Variants in TSC22D1 observed in about 807,000 individuals in gnomAD.
The protein encoded by TSC22D1 is TSC22 domain family member 1.
A neutral mutation model predicts 74.2 loss-of-function variants in TSC22D1; 9 were observed. The observed-to-expected ratio is 0.12, with a 90% CI of 0.07 to 0.21. TSC22D1 has a LOEUF of 0.21. TSC22D1 is among the 10% of genes least tolerant of loss of function. The pLI, the probability that TSC22D1 is intolerant of heterozygous loss-of-function variation, is 1.00. For synonymous variants in TSC22D1, 586 were observed against 492.5 expected (o/e 1.19, Z -2.51); for missense variants, 1,427 against 1,304.7 (o/e 1.09, Z -1.44).
Position 44,433,264 on chromosome 13 carries a change from T to A in TSC22D1, c.*1362A>T, listed in dbSNP as rs1874205936. 6.6e-6 allele frequency: 1 copy of A among 152,226 alleles called. No individual in the cohort carries two copies. The highest frequency in any genetic ancestry group is 1.5e-5 in the Non-Finnish European group (1 of 68,046). The allele number at this position is 152,226 out of a possible 1,614,324, so 9.4% of individuals were successfully genotyped here. On this transcript the variant is annotated 3_prime_UTR_variant, in exon 3 of 3. Transcript: ENST00000458659. ...AGATCATCTCTTTCAAACCCCTACA[T>A]CCGTCCAGGAGTGAAGCAACCTGTC...
At chr13:44,533,453 G>C (rs1880968809) in intron 1 of TSC22D1, among the ~76,000 whole-genome samples, 1 of 144,284 alleles carries the variant, frequency 6.9e-6, no homozygotes, top group Non-Finnish European at 1.5e-5. Context: ...GTAAGACTCT[G>C]TATCAAATAA....
intron 1 of TSC22D1, among the ~76,000 whole-genome samples, chr13:44,528,843 G>A (rs1428267812): frequency 1.3e-5 from 2 of 152,028 alleles, no homozygotes; most frequent in East Asian, 3.8e-4. Flanking sequence ...AATAACAAGT[G>A]TTATGAGCAG....
chr13:44,464,451 CTT>C (rs1877157896), intron 1 of TSC22D1, among the ~76,000 whole-genome samples: 1 of 152,082 alleles, frequency 6.6e-6, no homozygotes, highest in African/African-American at 2.4e-5. Flanking sequence ...AGTTTACAGA[CTT>C]TAATCAAATT....
At chr13:44,539,403 T>C (rs761017261) in intron 1 of TSC22D1, 62 of 985,248 alleles carry the variant, frequency 6.3e-5, no homozygotes, top group Non-Finnish European at 7.2e-5. Context: ...AATGTCCAGT[T>C]TGCCCAAAGA....
chr13:44,574,128 A>T lies in TSC22D1; in HGVS notation c.1947T>A (p.Thr649=). ...QMAPGHVKSV[T]QNPASEYVQQ... is the part of the protein sequence containing the mutation. ...GTACATACTCTGAAGCAGGATTTTGAGTCACTGATTTGACATGGCCTGGGG... is the reference window on the plus strand; with the variant it reads ...GTACATACTCTGAAGCAGGATTTTGTGTCACTGATTTGACATGGCCTGGGG... The change falls in exon 1 of 3, where the codon ACT becomes ACA. Residue 649 remains threonine (T), a synonymous_variant. Transcript: ENST00000458659. The T allele has an allele frequency of 1.2e-6, 2 of 1,614,234 alleles. No individual in the cohort carries two copies. Among genetic ancestry groups the T allele is most frequent in the South Asian group, 2.2e-5 (2 of 91,086 alleles).
At chr13:44,535,609 CAG>C (rs974746855) in intron 1 of TSC22D1, among the ~76,000 whole-genome samples, 2 of 149,976 alleles carry the variant, frequency 1.3e-5, no homozygotes, top group African/African-American at 5.0e-5. Flanking sequence ...TTTTTTTAAA[CAG>C]AAGCTACAAA....
At chr13:44,533,870 T>C (rs919494474) in intron 1 of TSC22D1, among the ~76,000 whole-genome samples, 1 of 152,226 alleles carries the variant, frequency 6.6e-6, no homozygotes, top group Non-Finnish European at 1.5e-5. Context: ...ACAAAGGACT[T>C]AGCAAAGGTA....
At chr13:44,576,928 G>T, upstream of TSC22D1, 1 of 152,924 alleles carries the variant, frequency 6.5e-6, no homozygotes, top group South Asian at 1.9e-4. Flanking sequence ...CAGGCGCCTC[G>T]ACTCGGCACA....
In TSC22D1 at chr13:44,448,523, C is replaced by G. The variant is rs529656892; in HGVS notation, c.2913-12428G>C. 1.7e-3 allele frequency among the ~76,000 whole-genome samples: 255 copies of G among 152,226 alleles called. 2 individuals carry two copies. Among genetic ancestry groups the G allele is most frequent in the Middle Eastern group, 0.014 (4 of 294 alleles). On this transcript the variant is annotated intron_variant, in intron 1 of 2. Coordinates refer to ENST00000458659, the MANE Select transcript of TSC22D1 (RefSeq NM_183422.4). ...TAGCTCCAGAATGTCTAATGTAGTA[C>G]AGGCCTAGGTAAGCATTAACACATT...
At chr13:44,450,910 T>G (rs1876076380) in intron 1 of TSC22D1, among the ~76,000 whole-genome samples, 3 of 152,110 alleles carry the variant, frequency 2.0e-5, no homozygotes, top group Non-Finnish European at 4.4e-5. Flanking sequence ...CCACACACAC[T>G]GGGGCAGCCG....
chr13:44,505,246 A>G (rs1442627676), intron 1 of TSC22D1, among the ~76,000 whole-genome samples: 1 of 152,164 alleles, frequency 6.6e-6, no homozygotes, highest in African/African-American at 2.4e-5. Context: ...TGAGCAACAA[A>G]GCAAGACCTC....
chr13:44,571,902 A>G (rs979744426), intron 1 of TSC22D1, among the ~76,000 whole-genome samples: 1 of 152,156 alleles, frequency 6.6e-6, no homozygotes, highest in Non-Finnish European at 1.5e-5. Flanking sequence ...TTAAACAACT[A>G]AATAACACAA....
intron 1 of TSC22D1, chr13:44,539,106 G>T (rs1280106283): frequency 1.0e-6 from 1 of 985,042 alleles, no homozygotes; most frequent in Non-Finnish European, 1.2e-6. Flanking sequence ...TCTAGGAAAG[G>T]GTTCTTTTAC....
intron 1 of TSC22D1, among the ~76,000 whole-genome samples, chr13:44,522,072 TAG>T (rs1379367842): frequency 3.9e-5 from 6 of 152,174 alleles, no homozygotes; most frequent in African/African-American, 9.7e-5. Flanking sequence ...GATGTAATGT[TAG>T]AGAGTAAAAG....
At chr13:44,496,123 C>G (rs1878962765) in intron 1 of TSC22D1, among the ~76,000 whole-genome samples, 1 of 152,058 alleles carries the variant, frequency 6.6e-6, no homozygotes. Flanking sequence ...AAACACAACT[C>G]AATTAAAAAA....
In TSC22D1 at chr13:44,573,699, G is replaced by A; in HGVS notation, c.2376C>T (p.Ser792=). The change falls in exon 1 of 3, where the codon TCC becomes TCT. Residue 792 remains serine, a synonymous_variant. Coordinates refer to ENST00000458659, the MANE Select transcript of TSC22D1 (RefSeq NM_183422.4). The part of the protein sequence containing the change: ...PSLPQQLVIA[S]QSSLLTVPPQ... The stretch of plus-strand genomic sequence containing the variant: ...GAGGCACAGTTAACAAGGAACTTTG[G>A]GATGCAATAACCAATTGTTGAGGAA... 1 of 1,614,164 alleles carries A rather than the reference G, an allele frequency of 6.2e-7. No homozygotes were observed. The highest frequency in any genetic ancestry group is 8.5e-7 in the Non-Finnish European group (1 of 1,180,044).
chr13:44,544,822 A>C (rs988134084), intron 1 of TSC22D1, among the ~76,000 whole-genome samples: 5 of 152,192 alleles, frequency 3.3e-5, no homozygotes, highest in African/African-American at 1.2e-4. Flanking sequence ...ATTTGTTAAA[A>C]GACAACCAAC....
intron 1 of TSC22D1, among the ~76,000 whole-genome samples, chr13:44,449,524 G>A (rs1486780041): frequency 6.6e-6 from 1 of 152,122 alleles, no homozygotes; most frequent in African/African-American, 2.4e-5. Context: ...TGGCTTTAGC[G>A]GCAATCACTT....
chr13:44,532,201 C>T lies in TSC22D1; in HGVS notation c.2912+40962G>A, dbSNP rs538742612. Among the ~76,000 whole-genome samples the T allele has an allele frequency of 2.0e-5, 3 of 152,240 alleles. No individual in the cohort carries two copies. The South Asian group carries it at 6.2e-4, about 32-fold the overall frequency. Reference sequence around the variant, plus strand: ...GAGTCAATTTCTTTTATAAGCTGTGCAAAATACAAATACTTTGCAGATACG... The same window carrying T: ...GAGTCAATTTCTTTTATAAGCTGTGTAAAATACAAATACTTTGCAGATACG... On this transcript the variant is annotated intron_variant, in intron 1 of 2. Transcript: ENST00000458659.
Sources: gnomAD v4.1 joint callset for allele counts (sites outside exome capture counted in the v4.1 genomes callset) on GRCh38, gnomAD v4.1.1 for gene constraint, MANE v1.5 for transcripts, NCBI Gene and HGNC (gene_info 2026-07-23, HGNC 2026-07-21) for gene names.